PCNT: variants seen among roughly 807,000 people sequenced by gnomAD.
PCNT encodes the protein kendrin.
PCNT carries 319 observed loss-of-function variants against 380.4 expected under a neutral mutation model. That is an observed-to-expected ratio of 0.84 (90% CI 0.77 to 0.92). The LOEUF (loss-of-function observed/expected upper bound fraction) is 0.92. PCNT is among the 40% of genes least tolerant of loss of function. PCNT has a pLI of 0.00. For synonymous variants in PCNT, 1,845 were observed against 1,735.2 expected, an observed-to-expected ratio of 1.06 and a Z score of -1.57; for missense variants, 4,400 against 4,255.3, an observed-to-expected ratio of 1.03 and a Z score of -0.95.
intron 7 of PCNT, 63 bp downstream of exon 7, chr21:46,349,249 A>G (rs894835255): frequency 1.2e-5 from 16 of 1,314,658 alleles, no homozygotes; most frequent in Non-Finnish European, 1.8e-5. Flanking sequence ...TACTGGAAGG[A>G]ATGTCGTTCA....
chr21:46,357,811 C>T (rs1043865936), intron 13 of PCNT, among the ~76,000 whole-genome samples: 10 of 152,216 alleles, frequency 6.6e-5, no homozygotes, highest in African/African-American at 9.6e-5. Flanking sequence ...GTGCCAAGCA[C>T]GTGGCTGGCC....
chr21:46,350,710 C>T (rs2084235448), intron 8 of PCNT, among the ~76,000 whole-genome samples: 1 of 152,194 alleles, frequency 6.6e-6, no homozygotes, highest in African/African-American at 2.4e-5. Context: ...CACACACCCT[C>T]CTCTCCTGCA....
chr21:46,437,399 C>T (rs1037264011), intron 40 of PCNT, among the ~76,000 whole-genome samples: 13 of 152,158 alleles, frequency 8.5e-5, no homozygotes, highest in Admixed American at 1.3e-4. Context: ...AGAGCCCCCT[C>T]ACATGCTGCT....
chr21:46,422,199 C>T, intron 32 of PCNT, 75 bp downstream of exon 32: 1 of 1,573,800 alleles, frequency 6.4e-7, no homozygotes, highest in Non-Finnish European at 8.7e-7. Flanking sequence ...TGTGTCCTGC[C>T]TTGCCGGGGA....
intron 27 of PCNT, among the ~76,000 whole-genome samples, chr21:46,410,487 T>G (rs2086751093): frequency 6.6e-6 from 1 of 152,266 alleles, no homozygotes; most frequent in African/African-American, 2.4e-5. Context: ...AATGTTATCT[T>G]AAGAGAATAG....
At chr21:46,402,560 T>G (rs1456558749) in intron 27 of PCNT, 77 bp downstream of exon 27, 2 of 1,502,610 alleles carry the variant, frequency 1.3e-6, no homozygotes, top group African/African-American at 2.8e-5. Context: ...AAGACCCTCA[T>G]CGGGGAGGCG....
At chr21:46,442,652 T>G in intron 44 of PCNT, 79 bp downstream of exon 44, 6 of 925,212 alleles carry the variant, frequency 6.5e-6, no homozygotes, top group Non-Finnish European at 8.9e-6. Flanking sequence ...TTTGGGTCAT[T>G]TTTCAGTGTT....
chr21:46,440,767 T>G, intron 42 of PCNT, 88 bp from the exon 43 acceptor site: 1 of 848,250 alleles, frequency 1.2e-6, no homozygotes, highest in Non-Finnish European at 2.0e-6. Context: ...ATCTGACTCT[T>G]TGGAAAGAGC....
At chr21:46,378,061 C>T (rs1350767437) in intron 15 of PCNT, among the ~76,000 whole-genome samples, 2 of 152,158 alleles carry the variant, frequency 1.3e-5, no homozygotes, top group Non-Finnish European at 1.5e-5. Context: ...TATGTGTTTT[C>T]TGCATATCTT....
chr21:46,422,236 G>A, intron 32 of PCNT, 112 bp downstream of exon 32: 1 of 1,368,246 alleles, frequency 7.3e-7, no homozygotes, highest in South Asian at 1.2e-5. Context: ...GCTTTTCCTG[G>A]GTGCCTCTGA....
At chr21:46,391,631 G>GAAATA (rs2086037682) in intron 21 of PCNT, among the ~76,000 whole-genome samples, 1 of 152,204 alleles carries the variant, frequency 6.6e-6, no homozygotes, top group Non-Finnish European at 1.5e-5. Context: ...CTGTGAGGTG[G>GAAATA]AAATAAGAGG....
At chr21:46,332,270 G>C (rs920096798) in intron 2 of PCNT, among the ~76,000 whole-genome samples, 5 of 152,212 alleles carry the variant, frequency 3.3e-5, no homozygotes, top group Non-Finnish European at 4.4e-5. Context: ...GGCTTAAGAA[G>C]TGTGGTTCTA....
chr21:46,424,698 G>A (rs1309437195), intron 32 of PCNT, among the ~76,000 whole-genome samples: 1 of 52,562 alleles, frequency 1.9e-5, no homozygotes, highest in East Asian at 9.7e-4. Flanking sequence ...TGCTCCCCCG[G>A]CCCTGCTCCC....
intron 32 of PCNT, among the ~76,000 whole-genome samples, chr21:46,423,941 G>A (rs1225155145): frequency 6.6e-6 from 1 of 152,120 alleles, no homozygotes; most frequent in Non-Finnish European, 1.5e-5. Flanking sequence ...TTTTTTCATG[G>A]ATGTCTCAGA....
intron 16 of PCNT, 32 bp from the exon 17 acceptor site, chr21:46,385,800 T>G (rs773300246): frequency 6.2e-7 from 1 of 1,613,366 alleles, no homozygotes. Flanking sequence ...CCAAATTGTT[T>G]TAACGAAAGC....
rs61735815 is a variant in PCNT at position 46,422,019 on chromosome 21, T to C, written c.7074T>C (p.Pro2358=). Residue 2358 remains proline, a synonymous_variant, in exon 32 of 47, where the codon CCT becomes CCC. Transcript: ENST00000359568. ...GARLSPGSGG[P]EAQTAGPVTP... ...GACTGAGCCCGGGGTCAGGAGGCCC[T>C]GAGGCTCAAACTGCTGGTCCTGTGA... 0.054 allele frequency: 87,926 copies of C among 1,613,906 alleles called. 2,755 individuals carry two copies. The highest frequency in any genetic ancestry group is 0.061 in the Non-Finnish European group (72,491 of 1,179,916).
intron 3 of PCNT, among the ~76,000 whole-genome samples, chr21:46,345,704 C>A (rs2084043598): frequency 6.6e-6 from 1 of 152,216 alleles, no homozygotes; most frequent in South Asian, 2.1e-4. Flanking sequence ...CATCATCACC[C>A]CAGAAGGAAG....
rs554905502 is a variant in PCNT, at chr21:46,419,170, A to G, written c.7024+864A>G. Among the ~76,000 whole-genome samples, 12 of 152,264 alleles carry G rather than the reference A, an allele frequency of 7.9e-5. No homozygotes were observed. In the South Asian group the frequency reaches 2.5e-3, roughly 32 times the overall value. On this transcript the variant is annotated intron_variant, in intron 31 of 46. Transcript: ENST00000359568. ...AATCTGTTGGATTTTTCAGCGATTTAGTGTTTTTTGAGAACATGGTCACAA... is the reference window on the plus strand; with the variant it reads ...AATCTGTTGGATTTTTCAGCGATTTGGTGTTTTTTGAGAACATGGTCACAA...
intron 44 of PCNT, chr21:46,443,073 G>C (rs919333193): frequency 9.9e-6 from 2 of 203,038 alleles, no homozygotes; most frequent in Non-Finnish European, 2.0e-5. Flanking sequence ...GGCAGGCGTT[G>C]TGTGCAGAGA....
Sources: allele counts gnomAD v4.1 joint callset (sites outside exome capture counted in the v4.1 genomes callset), GRCh38; gene constraint gnomAD v4.1.1; transcripts MANE v1.5; gene names NCBI Gene and HGNC (gene_info 2026-07-23, HGNC 2026-07-21).